Variants in CTIF observed in about 807,000 individuals in gnomAD.
The protein encoded by CTIF is CBP80/20-dependent translation initiation factor.
CTIF carries 21 observed loss-of-function variants against 66.0 expected under a neutral mutation model. The ratio of observed to expected loss-of-function variants is 0.32; its 90% CI spans 0.23 to 0.46. CTIF has a LOEUF of 0.46. CTIF is among the 20% of genes least tolerant of loss of function. The pLI is 1.00. For synonymous variants in CTIF, 345 were observed against 326.4 expected (o/e 1.06, Z -0.62); for missense variants, 739 against 812.7 (o/e 0.91, Z 1.10).
At chr18:48,847,745 C>T (rs1158599684) in intron 10 of CTIF, among the ~76,000 whole-genome samples, 3 of 152,228 alleles carry the variant, frequency 2.0e-5, no homozygotes, top group Non-Finnish European at 2.9e-5. Context: ...TATCCCTGTT[C>T]TCAGGTGAGG....
At chr18:48,831,498 C>G (rs1164882704) in intron 10 of CTIF, among the ~76,000 whole-genome samples, 1 of 152,200 alleles carries the variant, frequency 6.6e-6, no homozygotes. Context: ...ACTGCCCCTC[C>G]CATGAGGAAC....
intron 1 of CTIF, among the ~76,000 whole-genome samples, chr18:48,561,095 C>T (rs549461133): frequency 1.3e-4 from 20 of 152,058 alleles, no homozygotes; most frequent in African/African-American, 4.3e-4. Context: ...AAAAATTAGC[C>T]GGGTGTGGTA....
Position 48,741,276 on chromosome 18 carries a change from CCCCG to C in CTIF, c.585-16639_585-16636del, listed in dbSNP as rs201522467. On this transcript the variant is annotated intron_variant, in intron 7 of 11. Coordinates refer to ENST00000256413, the MANE Select transcript of CTIF (RefSeq NM_014772.3). The stretch of plus-strand genomic sequence containing the variant: ...AGCCAGGGTCTGCTCTTTACTCTGC[CCCCG>C]CCCCCCCTCCTTGGTACATGTTGCC... Among the ~76,000 whole-genome samples, 44 of 93,436 alleles carry C rather than the reference CCCCG, an allele frequency of 4.7e-4. 1 individual carries two copies. The highest frequency in any genetic ancestry group is 3.2e-3 in the East Asian group (5 of 1,562). 61.3% of individuals were successfully genotyped at this position (93,436 alleles called of 152,430 possible).
At chr18:48,626,033 A>C in intron 2 of CTIF, among the ~76,000 whole-genome samples, 1 of 116,024 alleles carries the variant, frequency 8.6e-6, no homozygotes, top group East Asian at 2.4e-4. Context: ...ATGGAGTCTC[A>C]CTCTGTCACC....
At chr18:48,547,559 G>T (rs1044483581) in intron 1 of CTIF, among the ~76,000 whole-genome samples, 2 of 152,224 alleles carry the variant, frequency 1.3e-5, no homozygotes, top group African/African-American at 4.8e-5. Context: ...TTGCCTTGGA[G>T]GCAGCGCCTT....
intron 1 of CTIF, among the ~76,000 whole-genome samples, chr18:48,605,172 GTT>G (rs895528969): frequency 6.6e-6 from 1 of 152,156 alleles, no homozygotes; most frequent in African/African-American, 2.4e-5. Context: ...TAAGGTTTAT[GTT>G]TAATGGTTCA....
intron 7 of CTIF, among the ~76,000 whole-genome samples, chr18:48,741,764 C>T (rs530199112): frequency 3.3e-5 from 5 of 152,208 alleles, no homozygotes; most frequent in African/African-American, 1.2e-4. Context: ...CAGTTTCCCA[C>T]CCAAAAGAAG....
chr18:48,816,286 C>T (rs2068362396), intron 9 of CTIF, among the ~76,000 whole-genome samples: 1 of 152,162 alleles, frequency 6.6e-6, no homozygotes, highest in Non-Finnish European at 1.5e-5. Context: ...TTGGCCAAAG[C>T]AAGACATATG....
intron 6 of CTIF, among the ~76,000 whole-genome samples, chr18:48,697,082 C>T (rs1030888667): frequency 2.0e-5 from 3 of 152,246 alleles, no homozygotes; most frequent in African/African-American, 7.2e-5. Context: ...TTAAAGGCCA[C>T]AGACCCCTGG....
intron 7 of CTIF, among the ~76,000 whole-genome samples, chr18:48,722,351 G>A (rs1264235963): frequency 6.6e-6 from 1 of 151,824 alleles, no homozygotes; most frequent in Non-Finnish European, 1.5e-5. Context: ...AAGTAACTGG[G>A]ACCACAGGCA....
At chr18:48,679,367 A>G (rs2091700209) in intron 6 of CTIF, among the ~76,000 whole-genome samples, 1 of 152,198 alleles carries the variant, frequency 6.6e-6, no homozygotes. Flanking sequence ...TGCAGATGTG[A>G]TGTGGCCTCA....
At position 48,638,670 on chromosome 18, in the gene CTIF, G is replaced by A. The variant is rs73956992; in HGVS notation, c.252+1985G>A. ...GCTCCAGGCACCCTAACACCGCAAG[G>A]AGCAGCTCACCCCAATCTCACCTTC... On this transcript the variant is annotated intron_variant, in intron 3 of 11. Transcript: ENST00000256413. Among the ~76,000 whole-genome samples the A allele has an allele frequency of 2.8e-3, 423 of 152,344 alleles. 1 individual carries two copies. Among genetic ancestry groups the A allele is most frequent in the African/African-American group, 9.8e-3 (408 of 41,580 alleles).
At chr18:48,642,071 A>G (rs922568231) in intron 3 of CTIF, among the ~76,000 whole-genome samples, 1 of 152,252 alleles carries the variant, frequency 6.6e-6, no homozygotes, top group Non-Finnish European at 1.5e-5. Context: ...TACATTTTTT[A>G]GCACTTCCTT....
chr18:48,592,514 G>A (rs111981283), intron 1 of CTIF, among the ~76,000 whole-genome samples: 22,354 of 139,548 alleles, frequency 0.16, 2,519 homozygotes, highest in African/African-American at 0.34. Flanking sequence ...AAAAAAAAAA[G>A]AAAAAGAAAA....
chr18:48,597,878 G>A (rs949657897), intron 1 of CTIF, among the ~76,000 whole-genome samples: 1 of 152,370 alleles, frequency 6.6e-6, no homozygotes, highest in Admixed American at 6.5e-5. Flanking sequence ...GAGGGCCAAC[G>A]CTGGGTGTTC....
At chr18:48,820,150 G>C (rs2068452777) in intron 10 of CTIF, among the ~76,000 whole-genome samples, 1 of 152,188 alleles carries the variant, frequency 6.6e-6, no homozygotes, top group Non-Finnish European at 1.5e-5. Context: ...TGAACTCCAG[G>C]TAGGGCTCTT....
At chr18:48,588,716 T>C (rs1232823051) in intron 1 of CTIF, among the ~76,000 whole-genome samples, 3 of 152,214 alleles carry the variant, frequency 2.0e-5, no homozygotes, top group Non-Finnish European at 2.9e-5. Context: ...TCTTCCTTTA[T>C]TGCTTTGATC....
At chr18:48,710,983 A>G (rs1021511926) in intron 6 of CTIF, among the ~76,000 whole-genome samples, 1 of 152,150 alleles carries the variant, frequency 6.6e-6, no homozygotes, top group Non-Finnish European at 1.5e-5. Context: ...AATAATAATA[A>G]TAATGATGAT....
intron 1 of CTIF, among the ~76,000 whole-genome samples, chr18:48,555,356 G>A (rs2088992591): frequency 6.6e-6 from 1 of 152,208 alleles, no homozygotes; most frequent in Admixed American, 6.5e-5. Flanking sequence ...AGTAGCCCAG[G>A]CCACCTCATC....
Sources: allele counts gnomAD v4.1 joint callset (sites outside exome capture counted in the v4.1 genomes callset), GRCh38; gene constraint gnomAD v4.1.1; transcripts MANE v1.5; gene names NCBI Gene and HGNC (gene_info 2026-07-23, HGNC 2026-07-21).